The following TTC7A variants were observed in gnomAD, a reference collection of about 807,000 sequenced individuals.
TTC7A encodes the protein tetratricopeptide repeat protein 7A.
A neutral mutation model predicts 103.7 loss-of-function variants in TTC7A; 110 were observed. That is an observed-to-expected ratio of 1.06 (90% CI 0.91 to 1.24). TTC7A has a LOEUF of 1.24. TTC7A is among the 50% of genes most tolerant of loss of function. The pLI, the probability that TTC7A is intolerant of heterozygous loss-of-function variation, is 0.00. For missense variants in TTC7A, 1,340 were observed against 1,116.3 expected (o/e 1.20, Z -2.86); for synonymous variants, 521 against 467.9 (o/e 1.11, Z -1.47).
chr2:47,074,154 G>C lies in TTC7A; in HGVS notation c.*231G>C, dbSNP rs917306849. On this transcript the variant is annotated 3_prime_UTR_variant, in exon 20 of 20. Coordinates refer to ENST00000319190, the MANE Select transcript of TTC7A (RefSeq NM_020458.4). ...CTGACTTGAACCCTAAGTGCCTTTG[G>C]AGAGTTTTGTGGTGACCAGACTTGC... The C allele has an allele frequency of 1.7e-6, 1 of 571,740 alleles. No individual in the cohort carries two copies. Among genetic ancestry groups the C allele is most frequent in the Non-Finnish European group, 3.1e-6 (1 of 319,592 alleles). 35.4% of individuals were successfully genotyped at this position (571,740 alleles called of 1,614,324 possible). A position where few individuals can be genotyped will look rare whatever the true frequency, so the allele number is the denominator to read the frequency against.
chr2:47,026,762 A>G (rs1679964421), intron 14 of TTC7A, among the ~76,000 whole-genome samples: 1 of 152,192 alleles, frequency 6.6e-6, no homozygotes, highest in African/African-American at 2.4e-5. Flanking sequence ...GGCATTTTTC[A>G]TAGTGTCTCA....
At chr2:46,996,217 A>G (rs1676164420) in intron 8 of TTC7A, among the ~76,000 whole-genome samples, 2 of 152,342 alleles carry the variant, frequency 1.3e-5, no homozygotes, top group Middle Eastern at 3.4e-3. Flanking sequence ...GGGCACAGGA[A>G]GAGTGGGGCA....
chr2:47,021,834 C>G, intron 11 of TTC7A, 28 bp from the exon 12 acceptor site: 9 of 1,595,264 alleles, frequency 5.6e-6, no homozygotes, highest in Non-Finnish European at 7.7e-6. Flanking sequence ...AACCCCACCT[C>G]CATGACCTCT....
intron 3 of TTC7A, among the ~76,000 whole-genome samples, chr2:46,969,400 G>A (rs999854898): frequency 4.0e-5 from 6 of 151,834 alleles, no homozygotes; most frequent in African/African-American, 1.5e-4. Flanking sequence ...CCAGCTACTC[G>A]GGAGGCTGAG....
rs1343390351 is a variant in TTC7A, at chr2:46,995,155, A to C, written c.1021A>C (p.Asn341His). 1 of 1,614,164 alleles carries C rather than the reference A, an allele frequency of 6.2e-7. No individual in the cohort carries two copies. The highest frequency in any genetic ancestry group is 8.5e-7 in the Non-Finnish European group (1 of 1,180,016). The change falls in exon 8 of 20, where the codon AAC (asparagine) becomes CAC (histidine). Residue 341 changes from asparagine to histidine, a missense_variant. By Grantham distance (68) the Asn-to-His change is moderately conservative. Coordinates refer to ENST00000319190, the MANE Select transcript of TTC7A (RefSeq NM_020458.4). ...TTTCAGCCTCTACTGCCCCAAGGAC[A>C]ACATCGAGGAAGCCCTCCTGCTCCT... ...EGDNLYCPKD[N>H]IEEALLLLLI... is the part of the protein sequence containing the mutation.
At chr2:46,947,193 T>TA (rs1203391062) in intron 1 of TTC7A, among the ~76,000 whole-genome samples, 1 of 152,200 alleles carries the variant, frequency 6.6e-6, no homozygotes, top group Non-Finnish European at 1.5e-5. Context: ...TTGGCTCTGT[T>TA]ATGTTTTATT....
In TTC7A at chr2:46,993,420, A is replaced by G. The variant is rs762881214; in HGVS notation, c.765-30A>G. ...TCCTTCTTTGCGAGCTAGGCTGGTAACAAATCTACTTCTGCCGTCCTCCCA... is the reference window on the plus strand; with the variant it reads ...TCCTTCTTTGCGAGCTAGGCTGGTAGCAAATCTACTTCTGCCGTCCTCCCA... On this transcript the variant is annotated intron_variant, in intron 5 of 19. Transcript: ENST00000319190. 8 of 1,612,100 alleles carry G rather than the reference A, an allele frequency of 5.0e-6. No individual in the cohort carries two copies. In the South Asian group the frequency reaches 7.7e-5, roughly 15 times the overall value.
chr2:46,955,860 G>A (rs1336092462), intron 2 of TTC7A, among the ~76,000 whole-genome samples: 3 of 152,238 alleles, frequency 2.0e-5, no homozygotes, highest in Non-Finnish European at 4.4e-5. Flanking sequence ...GAGTTTTATG[G>A]ACAGATTGGT....
intron 18 of TTC7A, among the ~76,000 whole-genome samples, chr2:47,059,485 C>T (rs1397308284): frequency 6.6e-6 from 1 of 152,124 alleles, no homozygotes; most frequent in Non-Finnish European, 1.5e-5. Context: ...GGTTTGTGCC[C>T]TCCTTTGCCC....
intron 2 of TTC7A, among the ~76,000 whole-genome samples, chr2:46,931,187 C>G (rs751466810): frequency 6.6e-6 from 1 of 152,236 alleles, no homozygotes; most frequent in Non-Finnish European, 1.5e-5. Flanking sequence ...GCAATCATGG[C>G]TCACTGCAGC....
At chr2:46,939,150 G>T (rs1036061233), upstream of TTC7A, among the ~76,000 whole-genome samples, 3 of 152,068 alleles carry the variant, frequency 2.0e-5, no homozygotes, top group African/African-American at 4.8e-5. Context: ...GTAAAATAAA[G>T]TAAAAATTTT....
chr2:47,046,320 TG>T lies in TTC7A; in HGVS notation c.1809del (p.Met603IlefsTer5). On this transcript the variant is annotated frameshift_variant, in exon 16 of 20. Transcript: ENST00000319190. LOFTEE classifies it high-confidence loss of function. ...ITEHPENFNLMFTKVKLEQVL... is the reference protein window; with the variant it reads ...ITEHPENFNLXFTKVKLEQVL... ...GCCACTCTCCGTCCCCACAGCCTGA[TG>T]TTCACCAAGGTGAAGCTGGAGCAGG... 1 of 1,613,384 alleles carries T rather than the reference TG, an allele frequency of 6.2e-7. No homozygotes were observed. Among genetic ancestry groups the T allele is most frequent in the South Asian group, 1.1e-5 (1 of 91,062 alleles).
intron 15 of TTC7A, 80 bp from the exon 16 acceptor site, chr2:47,046,235 G>T (rs548770588): frequency 3.3e-4 from 369 of 1,114,418 alleles, no homozygotes; most frequent in Non-Finnish European, 4.6e-4. Context: ...AGCATGTGGA[G>T]CCGCCCTGGT....
At chr2:46,933,487 T>G (rs1669816415) in intron 2 of TTC7A, among the ~76,000 whole-genome samples, 1 of 152,232 alleles carries the variant, frequency 6.6e-6, no homozygotes, top group South Asian at 2.1e-4. Context: ...TTACATGTAG[T>G]TTTTCTGGCA....
At chr2:46,945,335 C>G (rs1272528589) in intron 1 of TTC7A, among the ~76,000 whole-genome samples, 2 of 152,088 alleles carry the variant, frequency 1.3e-5, no homozygotes, top group African/African-American at 4.8e-5. Context: ...TCATTGCAAC[C>G]TCTGCCTCCC....
At chr2:47,000,000 G>C (rs1388832854) in intron 8 of TTC7A, 2 of 785,406 alleles carry the variant, frequency 2.5e-6, no homozygotes, top group Admixed American at 1.2e-4. Flanking sequence ...CAATCTGTGT[G>C]GCCTGGTTGA....
intron 15 of TTC7A, among the ~76,000 whole-genome samples, chr2:47,036,233 G>C (rs560084452): frequency 7.2e-5 from 11 of 152,242 alleles, no homozygotes; most frequent in African/African-American, 2.4e-4. Context: ...TGCTCTCAGA[G>C]CAGCCCTGGG....
intron 3 of TTC7A, among the ~76,000 whole-genome samples, chr2:46,960,906 G>A (rs1433308893): frequency 6.6e-6 from 1 of 152,264 alleles, no homozygotes; most frequent in African/African-American, 2.4e-5. Context: ...GCCCTGGCTT[G>A]AGTAGGGGCT....
chr2:47,029,452 A>C lies in TTC7A; in HGVS notation c.1802+68A>C, dbSNP rs73929359. 4.5e-3 allele frequency: 6,951 copies of C among 1,542,972 alleles called. 215 individuals are homozygous for C. The African/African-American group carries it at 0.078, about 17-fold the overall frequency. On this transcript the variant is annotated intron_variant, in intron 15 of 19. Coordinates refer to ENST00000319190, the MANE Select transcript of TTC7A (RefSeq NM_020458.4). ...GCCTCTGCAGCAGGCGCCCATGCAC[A>C]CCTGCCCTGCCATGGTGTCAGCCAA...
Sources: allele counts gnomAD v4.1 joint callset (sites outside exome capture counted in the v4.1 genomes callset), GRCh38; gene constraint gnomAD v4.1.1; transcripts MANE v1.5; gene names NCBI Gene and HGNC (gene_info 2026-07-23, HGNC 2026-07-21).